The following GMPS variants were observed in gnomAD, a reference collection of about 807,000 sequenced individuals.
The protein encoded by GMPS is guanosine monophosphate synthase.
In GMPS, 15 loss-of-function variants were observed where a neutral mutation model predicts 77.9. That is an observed-to-expected ratio of 0.19 (90% confidence interval 0.13 to 0.30). The LOEUF (loss-of-function observed/expected upper bound fraction) is 0.30. Ranked by LOEUF, GMPS falls within the 10% of genes least tolerant of loss-of-function variation. The pLI, the probability that GMPS is intolerant of heterozygous loss-of-function variation, is 1.00. For synonymous variants in GMPS, 224 were observed against 275.9 expected, an observed-to-expected ratio of 0.81 and a Z score of 1.86; for missense variants, 590 against 838.8, an observed-to-expected ratio of 0.70 and a Z score of 3.66.
At chr3:155,919,130 C>T in intron 9 of GMPS, 103 bp from the exon 10 acceptor site, 2 of 586,586 alleles carry the variant, frequency 3.4e-6, no homozygotes. Context: ...ATCTGTTAGT[C>T]TAAGAAAAGT....
chr3:155,874,907 T>G lies in GMPS; in HGVS notation c.27+4010T>G, dbSNP rs1024187493. On this transcript the variant is annotated intron_variant, in intron 1 of 15. Coordinates refer to ENST00000496455, the MANE Select transcript of GMPS (RefSeq NM_003875.3). ...CATTCTTAAACTTTGTTTTCTTTTT[T>G]TTTTTTTTTTTTTTTTTTGAGACAG... Among the ~76,000 whole-genome samples the G allele has an allele frequency of 2.2e-5, 3 of 138,688 alleles. No individual in the cohort carries two copies. The East Asian group carries it at 6.1e-4, about 28-fold the overall frequency. 91.0% of individuals were successfully genotyped at this position (138,688 alleles called of 152,430 possible).
chr3:155,935,553 A>G (rs775979694), intron 14 of GMPS, among the ~76,000 whole-genome samples: 5 of 152,216 alleles, frequency 3.3e-5, no homozygotes, highest in Non-Finnish European at 5.9e-5. Flanking sequence ...ATTTGTGGAC[A>G]TGCACAGAGC....
chr3:155,932,313 CA>C (rs1560054300), intron 13 of GMPS, among the ~76,000 whole-genome samples: 235 of 151,568 alleles, frequency 1.6e-3, no homozygotes, highest in African/African-American at 4.8e-3. Context: ...CACACACACA[CA>C]CCCCTACAAA....
In GMPS at chr3:155,938,667, T is replaced by C. The variant is rs1755819716; in HGVS notation, c.*975T>C. On this transcript the variant is annotated 3_prime_UTR_variant, in exon 16 of 16. Transcript: ENST00000496455. ...TATCATCTAGTAAACAGTTGTAAAA[T>C]GAGCTTTTAAATCTAATCTATAGAC... 5.0e-6 allele frequency: 1 copy of C among 201,636 alleles called. No homozygotes were observed. The highest frequency in any genetic ancestry group is 2.3e-5 in the African/African-American group (1 of 43,632). The allele number at this position is 201,636 out of a possible 1,614,324, so 12.5% of individuals were successfully genotyped here.
chr3:155,914,291 T>G, intron 7 of GMPS, 128 bp from the exon 8 acceptor site: 1 of 587,146 alleles, frequency 1.7e-6, no homozygotes, highest in South Asian at 3.5e-5. Flanking sequence ...GTAGGCAGAT[T>G]TAGGGGAGAT....
intron 1 of GMPS, among the ~76,000 whole-genome samples, chr3:155,878,739 C>T (rs907627014): frequency 2.6e-5 from 4 of 152,052 alleles, no homozygotes; most frequent in East Asian, 1.9e-4. Context: ...TTGGCTGACG[C>T]GATTATGGAG....
chr3:155,922,384 G>A (rs1047431567), intron 11 of GMPS, 82 bp downstream of exon 11: 3 of 567,580 alleles, frequency 5.3e-6, no homozygotes, highest in Non-Finnish European at 9.0e-6. Flanking sequence ...ATTTTTTAGG[G>A]TTTTATTATT....
intron 13 of GMPS, among the ~76,000 whole-genome samples, chr3:155,932,277 AACACACACACACACACACACAC>A (rs10548751): frequency 7.1e-6 from 1 of 141,150 alleles, no homozygotes; most frequent in Non-Finnish European, 1.5e-5. Context: ...CAAATAAAGT[AACACACACACACACACACACAC>A]ACACACACAC....
intron 8 of GMPS, among the ~76,000 whole-genome samples, chr3:155,915,400 G>A (rs985861907): frequency 6.6e-6 from 1 of 151,732 alleles, no homozygotes; most frequent in Non-Finnish European, 1.5e-5. Context: ...ACCATGCCCA[G>A]CTAATTTTTT....
chr3:155,870,725 T>A lies in GMPS; in HGVS notation c.-146T>A, dbSNP rs1445098344. 5 of 581,720 alleles carry A rather than the reference T, an allele frequency of 8.6e-6. No homozygotes were observed. In the East Asian group the frequency reaches 1.7e-4, roughly 20 times the overall value. 36.0% of individuals were successfully genotyped at this position (581,720 alleles called of 1,614,324 possible). On this transcript the variant is annotated 5_prime_UTR_variant, in exon 1 of 16. Transcript: ENST00000496455. ...GCTGCTGTTGCTCCATTCGGCGCTT[T>A]TCTGGCGGCTGGCTCCTCTCCGCTG...
intron 5 of GMPS, among the ~76,000 whole-genome samples, chr3:155,906,488 A>G (rs1245880742): frequency 6.6e-6 from 1 of 152,172 alleles, no homozygotes; most frequent in Non-Finnish European, 1.5e-5. Context: ...GTTTGCTTTG[A>G]AATACGTTGA....
intron 1 of GMPS, among the ~76,000 whole-genome samples, chr3:155,880,486 G>A (rs947313740): frequency 2.6e-5 from 4 of 152,122 alleles, no homozygotes. Context: ...TAGGTGTTTT[G>A]TTTTGCTTGT....
intron 1 of GMPS, among the ~76,000 whole-genome samples, chr3:155,879,265 C>A (rs1463663889): frequency 8.2e-6 from 1 of 122,654 alleles, no homozygotes; most frequent in Non-Finnish European, 1.7e-5. Context: ...CTGCACTTGT[C>A]TTTTTTTTTT....
At chr3:155,884,663 A>G (rs1321461436) in intron 1 of GMPS, among the ~76,000 whole-genome samples, 1 of 152,188 alleles carries the variant, frequency 6.6e-6, no homozygotes, top group Non-Finnish European at 1.5e-5. Context: ...AGAAAAAGAT[A>G]ATAGAGAATT....
intron 7 of GMPS, 39 bp downstream of exon 7, chr3:155,911,318 G>T: frequency 1.5e-6 from 2 of 1,370,230 alleles, no homozygotes; most frequent in South Asian, 1.3e-5. Context: ...TACATGTTAG[G>T]ACTTGTTTAA....
chr3:155,916,420 C>G (rs1432258808), intron 9 of GMPS, among the ~76,000 whole-genome samples: 1 of 152,042 alleles, frequency 6.6e-6, no homozygotes, highest in Non-Finnish European at 1.5e-5. Flanking sequence ...TCCTTTCCTC[C>G]TTTCTTGCCA....
chr3:155,923,867 CATT>C (rs1755385816), intron 11 of GMPS, among the ~76,000 whole-genome samples: 1 of 151,822 alleles, frequency 6.6e-6, no homozygotes, highest in African/African-American at 2.4e-5. Flanking sequence ...GGTTGAGAAC[CATT>C]GTTTTTTTTT....
In GMPS at chr3:155,942,401, T is replaced by A. The variant is rs1267981691; in HGVS notation, c.*4709T>A. On this transcript the variant is annotated 3_prime_UTR_variant, in exon 16 of 16. Coordinates refer to ENST00000496455, the MANE Select transcript of GMPS (RefSeq NM_003875.3). ...CCACGCCCGGCAAGCATTTACAGTT[T>A]TAAATCTCCCAGTCAGAATAAATTC... 1 of 214,016 alleles carries A rather than the reference T, an allele frequency of 4.7e-6. No homozygotes were observed. Among genetic ancestry groups the A allele is most frequent in the Non-Finnish European group, 9.4e-6 (1 of 105,878 alleles). 13.3% of individuals were successfully genotyped at this position (214,016 alleles called of 1,614,324 possible).
intron 1 of GMPS, among the ~76,000 whole-genome samples, chr3:155,891,125 C>A (rs920395219): frequency 6.6e-6 from 1 of 152,198 alleles, no homozygotes; most frequent in Non-Finnish European, 1.5e-5. Flanking sequence ...TATATAATTA[C>A]TCACAGTAAT....
Sources: gnomAD v4.1 joint callset for allele counts (sites outside exome capture counted in the v4.1 genomes callset) on GRCh38, gnomAD v4.1.1 for gene constraint, MANE v1.5 for transcripts, NCBI Gene and HGNC (gene_info 2026-07-23, HGNC 2026-07-21) for gene names.